The following ASB18 variants were observed in gnomAD, a reference collection of about 807,000 sequenced individuals.
The protein encoded by ASB18 is ankyrin repeat and SOCS box protein 18.
In ASB18, 33 loss-of-function variants were observed where a neutral mutation model predicts 33.4. That is an observed-to-expected ratio of 0.99 (90% CI 0.75 to 1.32). ASB18 has a LOEUF of 1.32. ASB18 is among the 40% of genes most tolerant of loss of function. The pLI is 0.00. For missense variants in ASB18, 694 were observed against 655.5 expected, an observed-to-expected ratio of 1.06 and a Z score of -0.64; for synonymous variants, 295 against 307.6, an observed-to-expected ratio of 0.96 and a Z score of 0.43.
rs2106260571 is a variant in ASB18 at position 236,194,931 on chromosome 2, G to A, written c.1342C>T (p.Pro448Ser). The change falls in exon 6 of 6, where the codon CCC (proline) becomes TCC (serine). Residue 448 changes from proline to serine, a missense_variant. By Grantham distance (74) the Pro-to-Ser change is moderately conservative. Coordinates refer to ENST00000409749, the MANE Select transcript of ASB18 (RefSeq NM_212556.4). This position sits in a 1 kb window ranked among gnomAD's most constrained non-coding sequence, Gnocchi z 4.5. ...TAATTCTGCAGGGGCTTTGGCAAGG[G>A]TAACAGGGGGATGAGGTCAAAGCAC... ...KRCFDLIPLL[P>S]LPKPLQNYLL... The A allele has an allele frequency of 6.2e-7, 1 of 1,613,872 alleles. No individual in the cohort carries two copies. Among genetic ancestry groups the A allele is most frequent in the East Asian group, 2.2e-5 (1 of 44,886 alleles).
rs986265143 is a variant in ASB18 at position 236,263,159 on chromosome 2, A to G, written c.205+982T>C. On this transcript the variant is annotated intron_variant, in intron 1 of 5. Coordinates refer to ENST00000409749, the MANE Select transcript of ASB18 (RefSeq NM_212556.4). This position sits in a 1 kb window ranked among gnomAD's most constrained non-coding sequence, Gnocchi z 4.0. ...ACAAGCTGGGAAACAGCACAATACA[A>G]CTAAAAGTAAATCACAGGTCAGGAA... Among the ~76,000 whole-genome samples, 2 of 152,208 alleles carry G rather than the reference A, an allele frequency of 1.3e-5. No homozygotes were observed. The highest frequency in any genetic ancestry group is 2.4e-5 in the African/African-American group (1 of 41,452).
At chr2:236,218,259 C>G (rs976770803) in intron 3 of ASB18, among the ~76,000 whole-genome samples, 1 of 152,176 alleles carries the variant, frequency 6.6e-6, no homozygotes, top group African/African-American at 2.4e-5. Context: ...TTGGCTAAAC[C>G]TTGGCACTTT....
intron 1 of ASB18, among the ~76,000 whole-genome samples, chr2:236,261,711 C>T (rs1214714000): frequency 6.6e-6 from 1 of 152,138 alleles, no homozygotes; most frequent in African/African-American, 2.4e-5. Context: ...TAAAGACATA[C>T]CAGAGACTGA....
Position 236,253,479 on chromosome 2 carries a change from C to T in ASB18, c.205+10662G>A, listed in dbSNP as rs956176674. 3.3e-5 allele frequency among the ~76,000 whole-genome samples: 5 copies of T among 152,092 alleles called. No individual in the cohort carries two copies. Among genetic ancestry groups the T allele is most frequent in the African/African-American group, 1.2e-4 (5 of 41,408 alleles). Reference sequence around the variant, plus strand: ...TGTAACCTGAACTCCTGGGCGCAAGCGATCCTTCCACCTCAGTCTCCTGAG... The same window carrying T: ...TGTAACCTGAACTCCTGGGCGCAAGTGATCCTTCCACCTCAGTCTCCTGAG... On this transcript the variant is annotated intron_variant, in intron 1 of 5. Transcript: ENST00000409749. This position sits in a 1 kb window ranked among gnomAD's most constrained non-coding sequence, Gnocchi z 5.4.
chr2:236,218,797 C>CA (rs574423455), intron 3 of ASB18, among the ~76,000 whole-genome samples: 197 of 91,198 alleles, frequency 2.2e-3, no homozygotes, highest in Middle Eastern at 5.8e-3. Flanking sequence ...GACTCCATCT[C>CA]AAAAAAAAAA....
rs1333544229 is a variant in ASB18 at position 236,215,680 on chromosome 2, T to C, written c.597-814A>G. Among the ~76,000 whole-genome samples the C allele has an allele frequency of 6.6e-6, 1 of 152,080 alleles. No individual in the cohort carries two copies. The highest frequency in any genetic ancestry group is 1.5e-5 in the Non-Finnish European group (1 of 68,014). ...GCACTCTAAACAGCTCAGCCTAGGC[T>C]CAGATGCCTGGTGAGAAGTGTGCCC... On this transcript the variant is annotated intron_variant, in intron 3 of 5. Transcript: ENST00000409749. This position sits in a 1 kb window ranked among gnomAD's most constrained non-coding sequence, Gnocchi z 7.2.
At position 236,259,877 on chromosome 2, in the gene ASB18, T is replaced by C. The variant is rs550666652; in HGVS notation, c.205+4264A>G. ...CTGGGGCTAAAATTTTCAGTTCCTT[T>C]GACTTCTGCCTGCACCAAGGTGGGG... On this transcript the variant is annotated intron_variant, in intron 1 of 5. Transcript: ENST00000409749. The surrounding 1 kb of genome is among the most constrained non-coding windows in gnomAD (Gnocchi z 4.4). 1.3e-5 allele frequency among the ~76,000 whole-genome samples: 2 copies of C among 152,354 alleles called. No individual in the cohort carries two copies. Among genetic ancestry groups the C allele is most frequent in the South Asian group, 4.1e-4 (2 of 4,828 alleles).
chr2:236,224,578 A>T (rs2060528262), intron 3 of ASB18, among the ~76,000 whole-genome samples: 1 of 152,158 alleles, frequency 6.6e-6, no homozygotes, highest in Non-Finnish European at 1.5e-5. Flanking sequence ...CAGTTAACAA[A>T]GGAGATGCAA....
In ASB18 at chr2:236,194,941, G is replaced by C. The variant is rs763282505; in HGVS notation, c.1332C>G (p.Ile444Met). 1.2e-6 allele frequency: 2 copies of C among 1,613,888 alleles called. No homozygotes were observed. The highest frequency in any genetic ancestry group is 1.7e-6 in the Non-Finnish European group (2 of 1,179,854). ...GGGGCTTTGGCAAGGGTAACAGGGG[G>C]ATGAGGTCAAAGCACCTTTTGCCAA... ...RLFGKRCFDL[I>M]PLLPLPKPLQ... Residue 444 changes from isoleucine (I) to methionine (M), a missense_variant, in exon 6 of 6, where the codon ATC (isoleucine) becomes ATG (methionine). Transcript: ENST00000409749. The surrounding 1 kb of genome is among the most constrained non-coding windows in gnomAD (Gnocchi z 4.5).
At position 236,257,707 on chromosome 2, in the gene ASB18, T is replaced by C. The variant is rs1345159207; in HGVS notation, c.205+6434A>G. On this transcript the variant is annotated intron_variant, in intron 1 of 5. Coordinates refer to ENST00000409749, the MANE Select transcript of ASB18 (RefSeq NM_212556.4). This position sits in a 1 kb window ranked among gnomAD's most constrained non-coding sequence, Gnocchi z 5.5. ...TCAGGAAGCATACCTGCTCCTGCTC[T>C]GCTCCTAACTGGCTGTTGACCAGCA... Among the ~76,000 whole-genome samples the C allele has an allele frequency of 6.6e-6, 1 of 152,254 alleles. No individual in the cohort carries two copies. The highest frequency in any genetic ancestry group is 1.5e-5 in the Non-Finnish European group (1 of 68,040).
intron 1 of ASB18, among the ~76,000 whole-genome samples, chr2:236,246,637 C>A (rs752522137): frequency 6.6e-6 from 1 of 152,074 alleles, no homozygotes; most frequent in Non-Finnish European, 1.5e-5. Context: ...AATGCATTTG[C>A]ATGCATAAAA....
Position 236,262,297 on chromosome 2 carries a change from C to T in ASB18, c.205+1844G>A, listed in dbSNP as rs143303077. Among the ~76,000 whole-genome samples, 315 of 152,328 alleles carry T rather than the reference C, an allele frequency of 2.1e-3. 1 individual carries two copies. The highest frequency in any genetic ancestry group is 3.4e-3 in the Non-Finnish European group (234 of 68,024). ...CAACAGAAAGCAGATGGCATGAGCT[C>T]AGGGCATGCTGAAGGCAGGCCGGGT... On this transcript the variant is annotated intron_variant, in intron 1 of 5. Coordinates refer to ENST00000409749, the MANE Select transcript of ASB18 (RefSeq NM_212556.4). The surrounding 1 kb of genome is among the most constrained non-coding windows in gnomAD (Gnocchi z 5.2).
rs1173288376 is a variant in ASB18 at position 236,256,765 on chromosome 2, G to T, written c.205+7376C>A. Among the ~76,000 whole-genome samples the T allele has an allele frequency of 6.6e-6, 1 of 152,158 alleles. No individual in the cohort carries two copies. Among genetic ancestry groups the T allele is most frequent in the Admixed American group, 6.5e-5 (1 of 15,272 alleles). On this transcript the variant is annotated intron_variant, in intron 1 of 5. Coordinates refer to ENST00000409749, the MANE Select transcript of ASB18 (RefSeq NM_212556.4). The surrounding 1 kb of genome is among the most constrained non-coding windows in gnomAD (Gnocchi z 4.7). Reference sequence around the variant, plus strand: ...CAGGCAGTGACAGTTCATACTTGGGGGGAGCTGAGACGCGACCCTGTAGGA... The same window carrying T: ...CAGGCAGTGACAGTTCATACTTGGGTGGAGCTGAGACGCGACCCTGTAGGA...
chr2:236,240,551 C>G (rs758890139), intron 2 of ASB18, among the ~76,000 whole-genome samples: 1 of 152,160 alleles, frequency 6.6e-6, no homozygotes, highest in African/African-American at 2.4e-5. Context: ...GAGCTGGTGG[C>G]GGGTGGGGTG....
In ASB18 at chr2:236,249,497, GTGT is replaced by G. The variant is rs1162852707; in HGVS notation, c.206-8098_206-8096del. 1 of 151,958 alleles carries G rather than the reference GTGT, an allele frequency of 6.6e-6. No homozygotes were observed. Among genetic ancestry groups the G allele is most frequent in the Non-Finnish European group, 1.5e-5 (1 of 68,042 alleles). 9.4% of individuals were successfully genotyped at this position (151,958 alleles called of 1,614,324 possible). On this transcript the variant is annotated intron_variant, in intron 1 of 5. Transcript: ENST00000409749. The surrounding 1 kb of genome is among the most constrained non-coding windows in gnomAD (Gnocchi z 4.6). The stretch of plus-strand genomic sequence containing the variant: ...GGAAATCCTCCCCCTTTTTTCTTCA[GTGT>G]TGTTCTGTGCACTGCTAGGGCCCAT...
chr2:236,243,378 G>A (rs1559336809), intron 1 of ASB18, among the ~76,000 whole-genome samples: 1 of 151,130 alleles, frequency 6.6e-6, no homozygotes, highest in Non-Finnish European at 1.5e-5. Flanking sequence ...AGTGAAGCTT[G>A]TCTTTCTCGG....
Position 236,235,353 on chromosome 2 carries a change from A to G in ASB18, c.596+2336T>C, listed in dbSNP as rs2060583263. Among the ~76,000 whole-genome samples the G allele has an allele frequency of 6.6e-6, 1 of 152,264 alleles. No homozygotes were observed. Among genetic ancestry groups the G allele is most frequent in the African/African-American group, 2.4e-5 (1 of 41,478 alleles). On this transcript the variant is annotated intron_variant, in intron 3 of 5. Transcript: ENST00000409749. The surrounding 1 kb of genome is among the most constrained non-coding windows in gnomAD (Gnocchi z 6.2). Reference sequence around the variant, plus strand: ...GCCTGGGAGCCAGAGGCTTAATCATATAGCCTAGGTGGGCAGTAGGCTATG... The same window carrying G: ...GCCTGGGAGCCAGAGGCTTAATCATGTAGCCTAGGTGGGCAGTAGGCTATG...
In ASB18 at chr2:236,244,941, C is replaced by T. The variant is rs2106282003; in HGVS notation, c.206-3539G>A. Among the ~76,000 whole-genome samples the T allele has an allele frequency of 6.6e-6, 1 of 152,234 alleles. No individual in the cohort carries two copies. The highest frequency in any genetic ancestry group is 2.1e-4 in the South Asian group (1 of 4,822). ...TGGAGGTTCACCCAAATGATAAAAC[C>T]CACCTCTCTTCTACAGAGGAGGGCT... On this transcript the variant is annotated intron_variant, in intron 1 of 5. Transcript: ENST00000409749. The surrounding 1 kb of genome is among the most constrained non-coding windows in gnomAD (Gnocchi z 6.1).
At position 236,199,826 on chromosome 2, in the gene ASB18, C is replaced by T. The variant is rs72974793; in HGVS notation, c.1102-3441G>A. ...CTTGGGAATATTTTAACAAGTAGAC[C>T]ATTATTGGAATCAGGAAGGCACAGT... is the stretch of plus-strand genomic sequence containing the variant. On this transcript the variant is annotated intron_variant, in intron 4 of 5. Coordinates refer to ENST00000409749, the MANE Select transcript of ASB18 (RefSeq NM_212556.4). 9.3e-3 allele frequency among the ~76,000 whole-genome samples: 1,412 copies of T among 151,696 alleles called. 10 individuals are homozygous for T. Among genetic ancestry groups the T allele is most frequent in the Non-Finnish European group, 0.014 (975 of 67,936 alleles).
Sources: gnomAD v4.1 joint callset for allele counts (sites outside exome capture counted in the v4.1 genomes callset) on GRCh38, gnomAD v4.1.1 for gene constraint, Gnocchi (gnomAD v3.1) non-coding constraint, MANE v1.5 for transcripts, NCBI Gene and HGNC (gene_info 2026-07-23, HGNC 2026-07-21) for gene names.